Variants in PARN observed in about 807,000 individuals in gnomAD.
PARN encodes the protein poly(A)-specific ribonuclease PARN.
In PARN, 71 loss-of-function variants were observed where a neutral mutation model predicts 102.8. The ratio of observed to expected loss-of-function variants is 0.69; its 90% CI spans 0.57 to 0.84. The LOEUF is 0.84. PARN is among the 40% of genes least tolerant of loss of function. The pLI, the probability that PARN is intolerant of heterozygous loss-of-function variation, is 0.00. For missense variants in PARN, 782 were observed against 760.9 expected, an observed-to-expected ratio of 1.03 and a Z score of -0.33; for synonymous variants, 261 against 252.9, an observed-to-expected ratio of 1.03 and a Z score of -0.30.
intron 22 of PARN, among the ~76,000 whole-genome samples, chr16:14,451,203 T>C (rs547802779): frequency 1.3e-5 from 2 of 152,308 alleles, no homozygotes; most frequent in African/African-American, 2.4e-5. Flanking sequence ...CCCATTTCAA[T>C]GTTACCGTTC....
At chr16:14,508,583 C>T (rs1441532595) in intron 21 of PARN, among the ~76,000 whole-genome samples, 9 of 151,652 alleles carry the variant, frequency 5.9e-5, no homozygotes, top group Admixed American at 2.6e-4. Context: ...TTTATAAAAA[C>T]GAAACTTTAA....
At chr16:14,547,008 G>A (rs893562620) in intron 21 of PARN, among the ~76,000 whole-genome samples, 1 of 151,570 alleles carries the variant, frequency 6.6e-6, no homozygotes, top group Non-Finnish European at 1.5e-5. Context: ...CAGGAGAATT[G>A]CTTGAACCTA....
At chr16:14,443,461 C>T (rs1009539222) in intron 23 of PARN, among the ~76,000 whole-genome samples, 1 of 151,962 alleles carries the variant, frequency 6.6e-6, no homozygotes, top group African/African-American at 2.4e-5. Context: ...CTGCCTCAGC[C>T]TCCCAAGTAG....
intron 22 of PARN, among the ~76,000 whole-genome samples, chr16:14,462,204 C>T (rs1743394332): frequency 6.6e-6 from 1 of 151,946 alleles, no homozygotes; most frequent in Non-Finnish European, 1.5e-5. Flanking sequence ...GAGCTGTATG[C>T]ATTCTTTCAA....
chr16:14,533,799 C>T (rs1032775478), intron 21 of PARN, among the ~76,000 whole-genome samples: 1 of 152,202 alleles, frequency 6.6e-6, no homozygotes, highest in African/African-American at 2.4e-5. Context: ...TATCACAACA[C>T]TCAGTAGCCA....
intron 16 of PARN, among the ~76,000 whole-genome samples, chr16:14,583,438 T>TA (rs1008408752): frequency 6.6e-5 from 10 of 151,870 alleles, no homozygotes; most frequent in African/African-American, 2.4e-4. Context: ...TTGATGCCTT[T>TA]AAAAAAAAGC....
At chr16:14,466,336 AT>A (rs905715182) in intron 22 of PARN, among the ~76,000 whole-genome samples, 3 of 151,694 alleles carry the variant, frequency 2.0e-5, no homozygotes, top group Admixed American at 6.6e-5. Context: ...CATTGAAAAT[AT>A]TTTTTTTTAA....
Position 14,581,044 on chromosome 16 carries a change from A to T in PARN, c.1193-101T>A, listed in dbSNP as rs188966364. ...TTTAAATTAACAGCATGGTTCAACA[A>T]GTGTGAAAGGTATTCTTTTTTTTTT... On this transcript the variant is annotated intron_variant, in intron 17 of 23. Transcript: ENST00000437198. 3.7e-3 allele frequency: 2,559 copies of T among 682,560 alleles called. 14 individuals carry two copies. Among genetic ancestry groups the T allele is most frequent in the South Asian group, 6.5e-3 (340 of 52,532 alleles). 42.3% of individuals were successfully genotyped at this position (682,560 alleles called of 1,614,324 possible).
intron 18 of PARN, among the ~76,000 whole-genome samples, chr16:14,566,342 A>T (rs1473060623): frequency 6.6e-6 from 1 of 152,158 alleles, no homozygotes; most frequent in East Asian, 1.9e-4. Flanking sequence ...GGAGGAGGCA[A>T]TGTGACCATG....
At chr16:14,444,726 A>G (rs1961117196) in intron 23 of PARN, among the ~76,000 whole-genome samples, 1 of 152,206 alleles carries the variant, frequency 6.6e-6, no homozygotes, top group Non-Finnish European at 1.5e-5. Context: ...TCATTATTTT[A>G]ACATTTGTTG....
At chr16:14,584,623 A>T in intron 15 of PARN, 126 bp downstream of exon 15, 1 of 791,176 alleles carries the variant, frequency 1.3e-6, no homozygotes, top group Non-Finnish European at 2.1e-6. Context: ...AGTATAACCA[A>T]ATGAATAAAG....
At chr16:14,612,747 G>A (rs1189322040) in intron 6 of PARN, among the ~76,000 whole-genome samples, 5 of 151,850 alleles carry the variant, frequency 3.3e-5, no homozygotes, top group East Asian at 4.1e-4. Context: ...ACAGGCGCCC[G>A]CCACCATACC....
intron 5 of PARN, among the ~76,000 whole-genome samples, chr16:14,623,701 G>A (rs1254622398): frequency 1.3e-5 from 2 of 151,516 alleles, no homozygotes; most frequent in Non-Finnish European, 2.9e-5. Context: ...GCAGGGCGTG[G>A]TGGCAGGTGC....
chr16:14,596,324 C>T (rs760968395), intron 12 of PARN, among the ~76,000 whole-genome samples: 5 of 151,212 alleles, frequency 3.3e-5, no homozygotes, highest in African/African-American at 7.3e-5. Context: ...AAAGGTGGTA[C>T]AATTTAAGCA....
intron 21 of PARN, among the ~76,000 whole-genome samples, chr16:14,492,894 T>C (rs930582354): frequency 4.6e-5 from 7 of 152,144 alleles, no homozygotes; most frequent in Admixed American, 3.9e-4. Flanking sequence ...TGGACTTCTC[T>C]TTCCTTATCC....
At chr16:14,587,158 T>C (rs1268998566) in intron 13 of PARN, among the ~76,000 whole-genome samples, 1 of 152,188 alleles carries the variant, frequency 6.6e-6, no homozygotes, top group African/African-American at 2.4e-5. Context: ...AGCCTGTAAA[T>C]ACAGACTGTA....
intron 22 of PARN, among the ~76,000 whole-genome samples, chr16:14,467,490 T>G (rs1466656468): frequency 6.6e-6 from 1 of 152,230 alleles, no homozygotes; most frequent in Admixed American, 6.5e-5. Flanking sequence ...GATGAACCAA[T>G]GTACCACATG....
intron 21 of PARN, 36 bp from the exon 22 acceptor site, chr16:14,482,863 A>G (rs1325836295): frequency 1.1e-5 from 17 of 1,525,936 alleles, no homozygotes; most frequent in South Asian, 3.8e-5. Context: ...AATGCTTACA[A>G]AAGTCTGGCC....
Position 14,436,500 on chromosome 16 carries a change from GTGATGAGTGTCA to G in PARN, c.*205_*216del. ...TACACATTCATGACAGCCTACAACC[GTGATGAGTGTCA>G]ATGTCAACAGGCAGTTAGATTAAAA... On this transcript the variant is annotated 3_prime_UTR_variant, in exon 24 of 24. Transcript: ENST00000437198. 1.7e-6 allele frequency: 1 copy of G among 594,278 alleles called. No homozygotes were observed. 36.8% of individuals were successfully genotyped at this position (594,278 alleles called of 1,614,324 possible). A position where few individuals can be genotyped will look rare whatever the true frequency, so the allele number is the denominator to read the frequency against.
Sources: gnomAD v4.1 joint callset for allele counts (sites outside exome capture counted in the v4.1 genomes callset) on GRCh38, gnomAD v4.1.1 for gene constraint, MANE v1.5 for transcripts, NCBI Gene and HGNC (gene_info 2026-07-23, HGNC 2026-07-21) for gene names.